Variants in CLSTN2 observed in about 807,000 individuals in gnomAD.
The protein encoded by CLSTN2 is calsyntenin 2, also known as calsyntenin-2.
CLSTN2 carries 48 observed loss-of-function variants against 101.2 expected under a neutral mutation model. That is an observed-to-expected ratio of 0.47 (90% CI 0.38 to 0.60). CLSTN2 has a LOEUF of 0.60. CLSTN2 is among the 20% of genes least tolerant of loss of function. The pLI is 0.00. For synonymous variants in CLSTN2, 481 were observed against 463.6 expected (o/e 1.04, Z -0.48); for missense variants, 1,160 against 1,238.2 (o/e 0.94, Z 0.95).
At chr3:140,042,183 A>G (rs968709464) in intron 1 of CLSTN2, among the ~76,000 whole-genome samples, 5 of 152,212 alleles carry the variant, frequency 3.3e-5, no homozygotes, top group African/African-American at 1.2e-4. Flanking sequence ...TTGGTTCAGT[A>G]TTCAGTTTGA....
intron 2 of CLSTN2, among the ~76,000 whole-genome samples, chr3:140,307,492 A>AT (rs1170852660): frequency 6.6e-6 from 1 of 152,206 alleles, no homozygotes; most frequent in Non-Finnish European, 1.5e-5. Context: ...GTTTGATCTA[A>AT]TAACCTCTAA....
chr3:140,097,951 G>A (rs1386283472), intron 1 of CLSTN2, among the ~76,000 whole-genome samples: 1 of 152,058 alleles, frequency 6.6e-6, no homozygotes, highest in Non-Finnish European at 1.5e-5. Context: ...TCGTCCCAGA[G>A]AAATGAATTT....
chr3:140,098,121 A>G (rs1375434821), intron 1 of CLSTN2, among the ~76,000 whole-genome samples: 1 of 152,138 alleles, frequency 6.6e-6, no homozygotes, highest in Non-Finnish European at 1.5e-5. Flanking sequence ...AAAACAAAAC[A>G]AAACAAAAAA....
chr3:140,565,261 T>G (rs1428212747), intron 16 of CLSTN2, among the ~76,000 whole-genome samples: 1 of 152,080 alleles, frequency 6.6e-6, no homozygotes, highest in East Asian at 1.9e-4. Context: ...GAGGTTGGCC[T>G]AGGGGAGACC....
intron 2 of CLSTN2, among the ~76,000 whole-genome samples, chr3:140,249,872 A>C (rs2086547718): frequency 6.6e-6 from 1 of 152,148 alleles, no homozygotes; most frequent in South Asian, 2.1e-4. Flanking sequence ...TAGAATGCTC[A>C]CCAAAAACCC....
At chr3:140,195,144 G>A (rs1297634330) in intron 2 of CLSTN2, among the ~76,000 whole-genome samples, 1 of 152,226 alleles carries the variant, frequency 6.6e-6, no homozygotes, top group Non-Finnish European at 1.5e-5. Context: ...CTGGGTAGGA[G>A]TGAGGCCACA....
chr3:140,190,619 A>T (rs997995265), intron 2 of CLSTN2, among the ~76,000 whole-genome samples: 1 of 151,992 alleles, frequency 6.6e-6, no homozygotes, highest in African/African-American at 2.4e-5. Context: ...AGATTTAAAT[A>T]TATATTCCTG....
Position 140,562,220 on chromosome 3 carries a change from A to G in CLSTN2, c.2124A>G (p.Pro708=). 6.2e-7 allele frequency: 1 copy of G among 1,614,104 alleles called. No homozygotes were observed. The highest frequency in any genetic ancestry group is 8.5e-7 in the Non-Finnish European group (1 of 1,179,968). ...DILVIGGDLD[P]RQECLELNHS... is the part of the protein sequence containing the mutation. ...TGGTGATCGGAGGGGACTTGGACCC[A>G]AGGCAGGAGTGCTTGGAGCTCAACC... The change falls in exon 13 of 17, where the codon CCA becomes CCG. Residue 708 remains proline (P), a synonymous_variant. Transcript: ENST00000458420.
chr3:139,952,883 G>A (rs918615402), intron 1 of CLSTN2, among the ~76,000 whole-genome samples: 17 of 152,120 alleles, frequency 1.1e-4, no homozygotes, highest in Admixed American at 7.2e-4. Flanking sequence ...CTGGGCTTAC[G>A]TTTGTTTTTA....
chr3:140,354,414 G>A (rs191402291), intron 2 of CLSTN2, among the ~76,000 whole-genome samples: 84 of 152,216 alleles, frequency 5.5e-4, no homozygotes, highest in Middle Eastern at 6.8e-3. Context: ...ATCTTTCTAC[G>A]ATTCACACTG....
chr3:140,373,141 T>C (rs889862853), intron 2 of CLSTN2, among the ~76,000 whole-genome samples: 2 of 152,212 alleles, frequency 1.3e-5, no homozygotes, highest in Admixed American at 6.5e-5. Flanking sequence ...AAACCTGTTT[T>C]TAACTCGGTA....
chr3:140,117,268 C>T (rs1311384840), intron 1 of CLSTN2, among the ~76,000 whole-genome samples: 2 of 152,166 alleles, frequency 1.3e-5, no homozygotes, highest in African/African-American at 2.4e-5. Flanking sequence ...AAGAATGTGT[C>T]CTACACAGCT....
intron 2 of CLSTN2, among the ~76,000 whole-genome samples, chr3:140,306,081 T>C (rs1027956879): frequency 6.6e-6 from 1 of 152,180 alleles, no homozygotes; most frequent in Admixed American, 6.5e-5. Flanking sequence ...GAAATGTATC[T>C]CCCTTTCTAC....
chr3:140,175,999 CTG>C lies in CLSTN2; in HGVS notation c.159_160del (p.Asn55GlnfsTer2). 6.2e-7 allele frequency: 1 copy of C among 1,613,614 alleles called. No individual in the cohort carries two copies. Among genetic ancestry groups the C allele is most frequent in the Non-Finnish European group, 8.5e-7 (1 of 1,179,690 alleles). On this transcript the variant is annotated frameshift_variant, in exon 2 of 17. Transcript: ENST00000458420. LOFTEE classifies it high-confidence loss of function. ...GAGACTTCATATCATGGAGTCATAA[CTG>C]AGAACAATGACACAGTCATTTTGGA...
intron 2 of CLSTN2, among the ~76,000 whole-genome samples, chr3:140,339,607 C>T (rs1400927335): frequency 6.6e-6 from 1 of 152,148 alleles, no homozygotes; most frequent in Non-Finnish European, 1.5e-5. Context: ...TGCATCCAAC[C>T]TGGTGGTGTG....
At chr3:140,098,197 T>A (rs1328013804) in intron 1 of CLSTN2, among the ~76,000 whole-genome samples, 1 of 152,184 alleles carries the variant, frequency 6.6e-6, no homozygotes, top group Non-Finnish European at 1.5e-5. Context: ...CAAACCACAG[T>A]AAGTATCACA....
intron 8 of CLSTN2, among the ~76,000 whole-genome samples, chr3:140,505,442 C>T (rs933167073): frequency 2.6e-5 from 4 of 152,148 alleles, no homozygotes; most frequent in South Asian, 2.1e-4. Context: ...AGGAGAGTCC[C>T]GTTACCATAG....
At chr3:140,283,741 A>G (rs578207657) in intron 2 of CLSTN2, among the ~76,000 whole-genome samples, 2 of 152,274 alleles carry the variant, frequency 1.3e-5, no homozygotes, top group Admixed American at 1.3e-4. Context: ...ATCAGTTGGA[A>G]TTTGTTTTTC....
At chr3:140,010,439 C>T (rs12638188) in intron 1 of CLSTN2, among the ~76,000 whole-genome samples, 47,502 of 152,056 alleles carry the variant, frequency 0.31, 9,021 homozygotes, top group African/African-American at 0.52. Context: ...GCTGGCCTGC[C>T]TTGTTGTCTG....
Sources: allele counts gnomAD v4.1 joint callset (sites outside exome capture counted in the v4.1 genomes callset), GRCh38; gene constraint gnomAD v4.1.1; transcripts MANE v1.5; gene names NCBI Gene and HGNC (gene_info 2026-07-23, HGNC 2026-07-21).